Variants in SMIM13 observed in about 807,000 individuals in gnomAD.
SMIM13 encodes UPF0766 protein C6orf228.
Under a neutral mutation model 5.9 loss-of-function variants are expected in SMIM13, and 3 were observed. The observed-to-expected ratio is 0.51, with a 90% confidence interval of 0.23 to 1.31. The LOEUF (loss-of-function observed/expected upper bound fraction) is 1.31. Among genes scored for constraint, SMIM13 ranks in the 40% most tolerant of loss-of-function variants. SMIM13 has a pLI of 0.18. For missense variants in SMIM13, 85 were observed against 109.9 expected (o/e 0.77, Z 1.01); for synonymous variants, 55 against 46.0 (o/e 1.19, Z -0.79).
At chr6:11,130,368 G>C (rs1464886233) in intron 1 of SMIM13, among the ~76,000 whole-genome samples, 1 of 151,722 alleles carries the variant, frequency 6.6e-6, no homozygotes, top group Non-Finnish European at 1.5e-5. Flanking sequence ...ACAGTGTTTT[G>C]TGAGAAACAG....
Position 11,094,370 on chromosome 6 carries a change from C to G in SMIM13, c.57C>G (p.Val19=). 6.5e-7 allele frequency: 1 copy of G among 1,537,616 alleles called. No homozygotes were observed. The change falls in exon 1 of 2, where the codon GTC becomes GTG. Residue 19 remains valine, a synonymous_variant. Transcript: ENST00000416247. ...TGTTCGTGGCCACGCTGCTGATCGTCCTGCTGCTGATGGTGTGCGGTGAGT... is the reference window on the plus strand; with the variant it reads ...TGTTCGTGGCCACGCTGCTGATCGTGCTGCTGCTGATGGTGTGCGGTGAGT... ...LLVFVATLLI[V]LLLMVCGWYF... is the part of the protein sequence containing the mutation.
intron 1 of SMIM13, among the ~76,000 whole-genome samples, chr6:11,100,254 G>T (rs775201121): frequency 3.3e-5 from 5 of 151,924 alleles, no homozygotes; most frequent in Non-Finnish European, 5.9e-5. Flanking sequence ...TGGAGATGAG[G>T]TTTCACCGTG....
At chr6:11,121,790 G>A (rs2224653) in intron 1 of SMIM13, among the ~76,000 whole-genome samples, 116,009 of 152,188 alleles carry the variant, frequency 0.76, 44,814 homozygotes, top group East Asian at 0.89. Context: ...GCAAGATACA[G>A]TCATTCTTTA....
intron 1 of SMIM13, among the ~76,000 whole-genome samples, chr6:11,097,733 A>T (rs1401384480): frequency 6.6e-6 from 1 of 151,930 alleles, no homozygotes; most frequent in African/African-American, 2.4e-5. Flanking sequence ...GGATTTCAAC[A>T]TATGAATTTG....
intron 1 of SMIM13, among the ~76,000 whole-genome samples, chr6:11,124,922 G>C (rs934075426): frequency 6.6e-6 from 1 of 152,126 alleles, no homozygotes; most frequent in African/African-American, 2.4e-5. Context: ...CTTCATGTTT[G>C]AAGGATATTT....
At chr6:11,116,319 A>G (rs1469155818) in intron 1 of SMIM13, among the ~76,000 whole-genome samples, 1 of 152,192 alleles carries the variant, frequency 6.6e-6, no homozygotes, top group Non-Finnish European at 1.5e-5. Flanking sequence ...GCTCCTGGCC[A>G]GCTTTGCCAT....
chr6:11,095,599 G>A (rs1318756596), intron 1 of SMIM13, among the ~76,000 whole-genome samples: 1 of 152,146 alleles, frequency 6.6e-6, no homozygotes, highest in African/African-American at 2.4e-5. Flanking sequence ...TGATCTACCC[G>A]CCTTGGCCTC....
At chr6:11,095,630 G>T (rs892355533) in intron 1 of SMIM13, among the ~76,000 whole-genome samples, 1 of 152,220 alleles carries the variant, frequency 6.6e-6, no homozygotes, top group Non-Finnish European at 1.5e-5. Context: ...GGGATTACAG[G>T]CATGAGTCAC....
At chr6:11,113,867 G>A (rs894593581) in intron 1 of SMIM13, among the ~76,000 whole-genome samples, 1 of 151,314 alleles carries the variant, frequency 6.6e-6, no homozygotes, top group Admixed American at 6.6e-5. Context: ...ATGAGCCACC[G>A]CACCCGGCTG....
At chr6:11,124,478 G>T (rs766598149) in intron 1 of SMIM13, among the ~76,000 whole-genome samples, 1 of 152,170 alleles carries the variant, frequency 6.6e-6, no homozygotes, top group Admixed American at 6.5e-5. Context: ...TATCTCTTCA[G>T]TATATCGATT....
intron 1 of SMIM13, chr6:11,105,618 A>C (rs772639453): frequency 1.9e-5 from 6 of 319,290 alleles, no homozygotes; most frequent in Non-Finnish European, 3.7e-5. Flanking sequence ...GGCAGTCTCC[A>C]GTACTGTAAT....
chr6:11,119,711 T>C (rs1208461667), intron 1 of SMIM13, among the ~76,000 whole-genome samples: 4 of 151,880 alleles, frequency 2.6e-5, no homozygotes, highest in East Asian at 1.9e-4. Flanking sequence ...TTTGGATCCA[T>C]GGCAGTGTTG....
intron 1 of SMIM13, among the ~76,000 whole-genome samples, chr6:11,109,853 C>G (rs1242679607): frequency 6.6e-6 from 1 of 152,084 alleles, no homozygotes; most frequent in East Asian, 1.9e-4. Context: ...ACAGAGAGAA[C>G]AGAGGAGAGA....
rs769764599 is a variant in SMIM13 at position 11,138,585 on chromosome 6, CA to C, written c.*3985del. 6.6e-6 allele frequency: 1 copy of C among 151,958 alleles called. No individual in the cohort carries two copies. Among genetic ancestry groups the C allele is most frequent in the Non-Finnish European group, 1.5e-5 (1 of 67,994 alleles). 9.4% of individuals were successfully genotyped at this position (151,958 alleles called of 1,614,324 possible). ...TTTAATAGTACCTTTGTATATATAACAAGATGTAAAATTAAAGATGAGGAAT... is the reference window on the plus strand; with the variant it reads ...TTTAATAGTACCTTTGTATATATAACAGATGTAAAATTAAAGATGAGGAAT... On this transcript the variant is annotated 3_prime_UTR_variant, in exon 2 of 2. Coordinates refer to ENST00000416247, the MANE Select transcript of SMIM13 (RefSeq NM_001135575.2).
In SMIM13 at chr6:11,136,810, A is replaced by G. The variant is rs554969450; in HGVS notation, c.*2208A>G. The G allele has an allele frequency of 2.0e-5, 3 of 150,156 alleles. No homozygotes were observed. Among genetic ancestry groups the G allele is most frequent in the African/African-American group, 7.4e-5 (3 of 40,336 alleles). The allele number at this position is 150,156 out of a possible 1,614,324, so 9.3% of individuals were successfully genotyped here. The stretch of plus-strand genomic sequence containing the variant: ...CCTACTAGCTAAATATCATCTTAAA[A>G]TGATTATCAGAAAAAAAAATAATGC... On this transcript the variant is annotated 3_prime_UTR_variant, in exon 2 of 2. Transcript: ENST00000416247.
chr6:11,113,846 G>A (rs1758201072), intron 1 of SMIM13, among the ~76,000 whole-genome samples: 1 of 151,726 alleles, frequency 6.6e-6, no homozygotes, highest in Non-Finnish European at 1.5e-5. Context: ...CAAAGTGCTG[G>A]GATTACAGGC....
At chr6:11,134,082 C>T (rs1758487188) in intron 1 of SMIM13, among the ~76,000 whole-genome samples, 1 of 150,854 alleles carries the variant, frequency 6.6e-6, no homozygotes, top group South Asian at 2.1e-4. Flanking sequence ...TCTTTCTTTC[C>T]CAGAAAAATG....
At chr6:11,104,843 C>T (rs764429308) in intron 1 of SMIM13, 2 of 1,614,152 alleles carry the variant, frequency 1.2e-6, no homozygotes, top group Middle Eastern at 1.6e-4. Flanking sequence ...TTTGGTAAGT[C>T]TGTTGGTTAG....
chr6:11,119,266 C>A (rs1758281332), intron 1 of SMIM13, among the ~76,000 whole-genome samples: 1 of 152,204 alleles, frequency 6.6e-6, no homozygotes, highest in Non-Finnish European at 1.5e-5. Flanking sequence ...CTCTCTTTCT[C>A]TCTCTCACTC....
Sources: allele counts gnomAD v4.1 joint callset (sites outside exome capture counted in the v4.1 genomes callset), GRCh38; gene constraint gnomAD v4.1.1; transcripts MANE v1.5; gene names NCBI Gene and HGNC (gene_info 2026-07-23, HGNC 2026-07-21).